The following KCNMA1 variants were observed in gnomAD, a reference collection of about 807,000 sequenced individuals.
The protein encoded by KCNMA1 is potassium calcium-activated channel subfamily M alpha 1, also known as Calcium-activated potassium channel subunit alpha-1.
A neutral mutation model predicts 140.0 loss-of-function variants in KCNMA1; 29 were observed. The observed-to-expected ratio is 0.21, with a 90% CI of 0.15 to 0.28. KCNMA1 has a LOEUF of 0.28. Among genes scored for constraint, KCNMA1 ranks in the 10% least tolerant of loss-of-function variants. The pLI is 1.00. For synonymous variants in KCNMA1, 612 were observed against 611.9 expected (o/e 1.00, Z 0.00); for missense variants, 880 against 1,602.2 (o/e 0.55, Z 7.70).
At chr10:77,549,889 T>C (rs888098761) in intron 1 of KCNMA1, among the ~76,000 whole-genome samples, 1 of 152,022 alleles carries the variant, frequency 6.6e-6, no homozygotes, top group Non-Finnish European at 1.5e-5. Flanking sequence ...CTGGAGAGAG[T>C]CAGGGTCATC....
At position 77,348,549 on chromosome 10, in the gene KCNMA1, A is replaced by T. The variant is rs572882011; in HGVS notation, c.540+55313T>A. The stretch of plus-strand genomic sequence containing the variant: ...CTGGGAAGCTGAGACCCAGCCCAGA[A>T]CCTGCTGGAATCAATAGTCTTTAAC... On this transcript the variant is annotated intron_variant, in intron 2 of 27. Transcript: ENST00000286628. 2.5e-4 allele frequency among the ~76,000 whole-genome samples: 38 copies of T among 152,302 alleles called. No homozygotes were observed. The South Asian group carries it at 7.9e-3, about 32-fold the overall frequency.
intron 9 of KCNMA1, among the ~76,000 whole-genome samples, chr10:77,100,970 T>C (rs977918204): frequency 2.6e-5 from 4 of 151,994 alleles, no homozygotes; most frequent in Non-Finnish European, 5.9e-5. Context: ...TTCAGAACAA[T>C]AGCTGGAACA....
chr10:77,546,669 G>A (rs189901269), intron 1 of KCNMA1, among the ~76,000 whole-genome samples: 4 of 152,324 alleles, frequency 2.6e-5, no homozygotes, highest in East Asian at 1.9e-4. Context: ...AGGACAGACC[G>A]ACTCTTAGGA....
chr10:77,390,219 C>T (rs576091110), intron 2 of KCNMA1, among the ~76,000 whole-genome samples: 34 of 152,194 alleles, frequency 2.2e-4, no homozygotes, highest in Middle Eastern at 3.2e-3. Context: ...TGTCCAAGGT[C>T]AACCAGAAAA....
intron 1 of KCNMA1, among the ~76,000 whole-genome samples, chr10:77,453,261 A>G (rs1044660738): frequency 1.3e-5 from 2 of 152,114 alleles, no homozygotes; most frequent in Non-Finnish European, 2.9e-5. Context: ...ATAAGCCACG[A>G]CATCATTAGA....
intron 1 of KCNMA1, among the ~76,000 whole-genome samples, chr10:77,539,328 C>A (rs1030399068): frequency 6.6e-6 from 1 of 152,168 alleles, no homozygotes. Flanking sequence ...GAGATGGGAT[C>A]AAAACCTATG....
intron 23 of KCNMA1, chr10:76,939,064 G>A (rs1027660814): frequency 6.8e-6 from 1 of 147,942 alleles, no homozygotes; most frequent in Non-Finnish European, 1.5e-5. Flanking sequence ...AATTTCAAGT[G>A]CTCCATAGCC....
chr10:77,626,806 T>C (rs2092587637), intron 1 of KCNMA1, among the ~76,000 whole-genome samples: 1 of 152,198 alleles, frequency 6.6e-6, no homozygotes, highest in South Asian at 2.1e-4. Flanking sequence ...CGTGAACTCA[T>C]TCTACCCACT....
intron 22 of KCNMA1, among the ~76,000 whole-genome samples, chr10:76,946,391 A>G (rs905893555): frequency 6.6e-6 from 1 of 152,088 alleles, no homozygotes; most frequent in Non-Finnish European, 1.5e-5. Flanking sequence ...GGGTTTGCCA[A>G]CTGTCACATA....
At chr10:77,561,256 TATAAA>T (rs796426844) in intron 1 of KCNMA1, among the ~76,000 whole-genome samples, 32 of 152,336 alleles carry the variant, frequency 2.1e-4, no homozygotes, top group African/African-American at 7.7e-4. Context: ...TCTCACTTGA[TATAAA>T]ATAAAGTTCA....
chr10:77,307,623 T>A (rs1159950357), intron 2 of KCNMA1, among the ~76,000 whole-genome samples: 1 of 152,192 alleles, frequency 6.6e-6, no homozygotes, highest in Non-Finnish European at 1.5e-5. Flanking sequence ...CTTGGCTCAC[T>A]GCAAGCTCCA....
In KCNMA1 at chr10:77,576,050, A is replaced by C. The variant is rs1346471598; in HGVS notation, c.378+61215T>G. ...ATTGGGGAGAATGGCTCCTGGCTTG[A>C]GAAGCTCTGTTCTAGAATAGCACTC... On this transcript the variant is annotated intron_variant, in intron 1 of 27. Coordinates refer to ENST00000286628, the MANE Select transcript of KCNMA1 (RefSeq NM_001161352.2). Among the ~76,000 whole-genome samples, 3 of 152,226 alleles carry C rather than the reference A, an allele frequency of 2.0e-5. No individual in the cohort carries two copies. In the East Asian group the frequency reaches 5.8e-4, roughly 29 times the overall value.
At chr10:77,598,532 A>G (rs2081604006) in intron 1 of KCNMA1, among the ~76,000 whole-genome samples, 1 of 152,250 alleles carries the variant, frequency 6.6e-6, no homozygotes, top group Non-Finnish European at 1.5e-5. Context: ...CAAACAGTAA[A>G]TAAGAAAGAC....
At chr10:77,246,496 T>C (rs1457502477) in intron 3 of KCNMA1, among the ~76,000 whole-genome samples, 1 of 152,222 alleles carries the variant, frequency 6.6e-6, no homozygotes, top group African/African-American at 2.4e-5. Context: ...GACCAGGCTA[T>C]GTGAAGACAG....
chr10:76,974,907 C>T (rs2077039401), intron 19 of KCNMA1, among the ~76,000 whole-genome samples: 3 of 152,166 alleles, frequency 2.0e-5, no homozygotes, highest in Admixed American at 6.5e-5. Flanking sequence ...GGATCAGACC[C>T]ATTCTTTCCT....
intron 23 of KCNMA1, among the ~76,000 whole-genome samples, chr10:76,926,624 C>G: frequency 6.6e-6 from 1 of 152,108 alleles, no homozygotes; most frequent in East Asian, 1.9e-4. Context: ...GAGGTTGTAG[C>G]AATGTCCCAA....
intron 2 of KCNMA1, among the ~76,000 whole-genome samples, chr10:77,394,033 T>C (rs548976522): frequency 2.0e-5 from 3 of 152,194 alleles, no homozygotes; most frequent in Non-Finnish European, 4.4e-5. Flanking sequence ...ATCACACAGG[T>C]GGATGAATGG....
Position 77,576,701 on chromosome 10 carries a change from T to A in KCNMA1, c.378+60564A>T, listed in dbSNP as rs942173588. ...ACGCTAACAGCTGGAACAAGAAGAC[T>A]GCAAAGGAAGAAGATCCAGTTCCCA... is the stretch of plus-strand genomic sequence containing the variant. On this transcript the variant is annotated intron_variant, in intron 1 of 27. Transcript: ENST00000286628. Among the ~76,000 whole-genome samples, 9 of 152,112 alleles carry A rather than the reference T, an allele frequency of 5.9e-5. 1 individual carries two copies. Among genetic ancestry groups the A allele is most frequent in the Admixed American group, 5.9e-4 (9 of 15,270 alleles).
At chr10:76,956,927 C>T (rs1212731789) in intron 20 of KCNMA1, among the ~76,000 whole-genome samples, 1 of 151,790 alleles carries the variant, frequency 6.6e-6, no homozygotes, top group East Asian at 1.9e-4. Context: ...TCGTGTCCAT[C>T]CTGGCTAACA....
Sources: gnomAD v4.1 joint callset for allele counts (sites outside exome capture counted in the v4.1 genomes callset) on GRCh38, gnomAD v4.1.1 for gene constraint, MANE v1.5 for transcripts, NCBI Gene and HGNC (gene_info 2026-07-23, HGNC 2026-07-21) for gene names.